Variants in KCNH1 observed in about 807,000 individuals in gnomAD.
KCNH1 encodes potassium voltage-gated channel subfamily H member 1.
A neutral mutation model predicts 69.2 loss-of-function variants in KCNH1; 27 were observed. The ratio of observed to expected loss-of-function variants is 0.39; its 90% CI spans 0.29 to 0.54. The LOEUF (loss-of-function observed/expected upper bound fraction) is 0.54, where lower values mean the gene tolerates loss of function less well. KCNH1 is among the 20% of genes least tolerant of loss of function. The pLI is 0.68. For synonymous variants in KCNH1, 456 were observed against 487.7 expected (o/e 0.93, Z 0.86); for missense variants, 798 against 1,261.6 (o/e 0.63, Z 5.57).
chr1:210,793,328 A>AT lies in KCNH1; in HGVS notation c.1915+4179dup, dbSNP rs1388816409. ...AACAATTTAGTGGGTCATGATGGTC[A>AT]TTTTTTTAATGAAAGAGAACATTAT... On this transcript the variant is annotated intron_variant, in intron 9 of 10. Coordinates refer to ENST00000271751, the MANE Select transcript of KCNH1 (RefSeq NM_172362.3). Among the ~76,000 whole-genome samples, 16 of 152,280 alleles carry AT rather than the reference A, an allele frequency of 1.1e-4. No homozygotes were observed. In the East Asian group the frequency reaches 2.5e-3, roughly 24 times the overall value.
chr1:210,828,271 A>T (rs1685075498), intron 7 of KCNH1, among the ~76,000 whole-genome samples: 1 of 152,198 alleles, frequency 6.6e-6, no homozygotes, highest in South Asian at 2.1e-4. Flanking sequence ...CTACTTTATC[A>T]AGGGTCCTTT....
At chr1:210,784,305 A>G (rs560664429) in intron 9 of KCNH1, among the ~76,000 whole-genome samples, 46 of 152,364 alleles carry the variant, frequency 3.0e-4, no homozygotes, top group African/African-American at 1.0e-3. Flanking sequence ...TCTGCTTTTT[A>G]TCCTTACTGC....
intron 7 of KCNH1, among the ~76,000 whole-genome samples, chr1:210,912,739 G>A (rs1687259287): frequency 6.6e-6 from 1 of 152,168 alleles, no homozygotes; most frequent in Non-Finnish European, 1.5e-5. Context: ...CCTGCCAAAG[G>A]TCAAAGCATT....
At chr1:210,922,477 T>C (rs1460339478) in intron 6 of KCNH1, among the ~76,000 whole-genome samples, 1 of 144,092 alleles carries the variant, frequency 6.9e-6, no homozygotes, top group African/African-American at 2.5e-5. Context: ...TCTTGTCCAA[T>C]ATATACCAGC....
chr1:211,059,393 C>G (rs1690380289), intron 5 of KCNH1, among the ~76,000 whole-genome samples: 1 of 151,770 alleles, frequency 6.6e-6, no homozygotes, highest in African/African-American at 2.4e-5. Context: ...ACATATGCAC[C>G]CAATGGTAGT....
chr1:210,760,612 T>G (rs764989686), intron 10 of KCNH1, among the ~76,000 whole-genome samples: 3 of 152,194 alleles, frequency 2.0e-5, no homozygotes, highest in African/African-American at 4.8e-5. Context: ...TAACTGAGAC[T>G]GGGCAATTTA....
chr1:210,822,941 C>T (rs139892845), intron 7 of KCNH1, among the ~76,000 whole-genome samples: 83 of 152,278 alleles, frequency 5.5e-4, no homozygotes, highest in African/African-American at 1.9e-3. Context: ...ACTCTAGGAT[C>T]GGGGTGGGAG....
intron 7 of KCNH1, among the ~76,000 whole-genome samples, chr1:210,888,827 C>A (rs1686678924): frequency 6.6e-6 from 1 of 152,224 alleles, no homozygotes; most frequent in African/African-American, 2.4e-5. Context: ...TTCCTGGACA[C>A]ATATACCCCC....
intron 6 of KCNH1, among the ~76,000 whole-genome samples, chr1:210,990,601 G>C (rs1282906970): frequency 6.6e-6 from 1 of 152,192 alleles, no homozygotes; most frequent in Non-Finnish European, 1.5e-5. Context: ...AAACCTAGCT[G>C]CATCCCTGAG....
At chr1:211,006,739 G>T (rs562545443) in intron 6 of KCNH1, among the ~76,000 whole-genome samples, 1 of 152,006 alleles carries the variant, frequency 6.6e-6, no homozygotes, top group African/African-American at 2.4e-5. Context: ...TTTCATTATT[G>T]TGATAAAAAA....
At chr1:211,023,160 A>AAATAAATT (rs1271549256) in intron 5 of KCNH1, among the ~76,000 whole-genome samples, 11 of 100,506 alleles carry the variant, frequency 1.1e-4, no homozygotes, top group Non-Finnish European at 1.6e-4. Flanking sequence ...ATAAATAAAT[A>AAATAAATT]AATTAAAAAT....
chr1:211,037,026 A>G (rs906175021), intron 5 of KCNH1, among the ~76,000 whole-genome samples: 1 of 152,254 alleles, frequency 6.6e-6, no homozygotes, highest in African/African-American at 2.4e-5. Flanking sequence ...TGATTCTGGA[A>G]GGAAAAAAGG....
chr1:210,969,015 C>T (rs1014480206), intron 6 of KCNH1, among the ~76,000 whole-genome samples: 5 of 152,012 alleles, frequency 3.3e-5, no homozygotes, highest in Non-Finnish European at 7.4e-5. Context: ...GCCTTCTCTG[C>T]ATCTTTAATT....
chr1:210,735,431 T>A (rs1300466525), intron 10 of KCNH1, among the ~76,000 whole-genome samples: 6 of 114,520 alleles, frequency 5.2e-5, no homozygotes, highest in East Asian at 6.2e-4. Flanking sequence ...AGTGTGTGTG[T>A]GTGTGTGTGT....
rs555979862 is a variant in KCNH1, at chr1:211,112,166, G to A, written c.80-4789C>T. The stretch of plus-strand genomic sequence containing the variant: ...AGCGCCTCTGCCCCGCCACTGCACC[G>A]TCTGGGAAGTGAGGAGCATCTCTGG... On this transcript the variant is annotated intron_variant, in intron 1 of 10. Coordinates refer to ENST00000271751, the MANE Select transcript of KCNH1 (RefSeq NM_172362.3). 9.4e-5 allele frequency among the ~76,000 whole-genome samples: 12 copies of A among 127,630 alleles called. No individual in the cohort carries two copies. The South Asian group carries it at 3.3e-3, about 35-fold the overall frequency. The allele number at this position is 127,630 out of a possible 152,430, so 83.7% of individuals were successfully genotyped here. A position where few individuals can be genotyped will look rare whatever the true frequency, so the allele number is the denominator to read the frequency against.
chr1:210,746,831 GC>G (rs1683172825), intron 10 of KCNH1, among the ~76,000 whole-genome samples: 1 of 152,204 alleles, frequency 6.6e-6, no homozygotes, highest in Non-Finnish European at 1.5e-5. Flanking sequence ...ACAGGCGAGA[GC>G]CACCATGCCC....
intron 7 of KCNH1, among the ~76,000 whole-genome samples, chr1:210,815,647 A>T (rs576075029): frequency 2.6e-5 from 4 of 152,204 alleles, no homozygotes; most frequent in Non-Finnish European, 5.9e-5. Context: ...CTGAAGAGTT[A>T]ACAGTCAATT....
intron 10 of KCNH1, among the ~76,000 whole-genome samples, chr1:210,745,983 C>T (rs963253087): frequency 2.0e-5 from 3 of 152,128 alleles, no homozygotes; most frequent in Non-Finnish European, 2.9e-5. Context: ...AAGGGGAATG[C>T]CAGAAGAGGC....
At chr1:211,088,274 G>A (rs930756274) in intron 4 of KCNH1, among the ~76,000 whole-genome samples, 3 of 152,054 alleles carry the variant, frequency 2.0e-5, no homozygotes, top group East Asian at 1.9e-4. Context: ...AGACTCTTAC[G>A]ACTCTTAATG....
Sources: allele counts gnomAD v4.1 joint callset (sites outside exome capture counted in the v4.1 genomes callset), GRCh38; gene constraint gnomAD v4.1.1; transcripts MANE v1.5; gene names NCBI Gene and HGNC (gene_info 2026-07-23, HGNC 2026-07-21).